MYRFL: variants seen among roughly 807,000 people sequenced by gnomAD.
MYRFL encodes the protein myelin regulatory factor like.
In MYRFL, 88 loss-of-function variants were observed where a neutral mutation model predicts 109.4. That is an observed-to-expected ratio of 0.80 (90% confidence interval 0.68 to 0.96). The LOEUF (loss-of-function observed/expected upper bound fraction) is 0.96. Ranked by LOEUF, MYRFL falls within the 40% of genes least tolerant of loss-of-function variation. The probability of loss-of-function intolerance (pLI) is 0.00; values close to 1 mark genes in which losing one functional copy is unlikely to be tolerated. For synonymous variants in MYRFL, 324 were observed against 320.9 expected, an observed-to-expected ratio of 1.01 and a Z score of -0.10; for missense variants, 957 against 954.9, an observed-to-expected ratio of 1.00 and a Z score of -0.03.
chr12:69,859,536 T>C (rs1024720638), intron 2 of MYRFL, among the ~76,000 whole-genome samples: 6 of 152,258 alleles, frequency 3.9e-5, no homozygotes, highest in African/African-American at 1.4e-4. Flanking sequence ...AGTTATGTGG[T>C]TAAGTGCAAA....
At chr12:69,946,991 C>T (rs921381997) in intron 19 of MYRFL, 2 of 152,492 alleles carry the variant, frequency 1.3e-5, no homozygotes, top group African/African-American at 4.8e-5. Context: ...ATTGCAATGT[C>T]CCTGATGTGG....
rs1451029901 is a variant in MYRFL at position 69,833,295 on chromosome 12, T to A, written c.46+7732T>A. ...AACCAGAAGAGTGTGGTTGTTAAAC[T>A]AGGAAAGAAAGTGTTTCAAGAAGAA... On this transcript the variant is annotated intron_variant, in intron 1 of 24. Transcript: ENST00000552032. Among the ~76,000 whole-genome samples, 8 of 152,114 alleles carry A rather than the reference T, an allele frequency of 5.3e-5. No individual in the cohort carries two copies. In the East Asian group the frequency reaches 1.5e-3, roughly 29 times the overall value.
chr12:69,929,249 C>A (rs1268835311), intron 15 of MYRFL, among the ~76,000 whole-genome samples: 2 of 152,140 alleles, frequency 1.3e-5, no homozygotes, highest in Non-Finnish European at 2.9e-5. Flanking sequence ...GCTTAAAGAG[C>A]ACCCGTTCAA....
intron 16 of MYRFL, among the ~76,000 whole-genome samples, chr12:69,932,862 C>CATGTGTGTGTGT (rs1555257458): frequency 8.7e-5 from 13 of 149,350 alleles, no homozygotes; most frequent in South Asian, 2.1e-4. Context: ...CTGTGCCTTT[C>CATGTGTGTGTGT]GTGTGTGTGT....
intron 1 of MYRFL, among the ~76,000 whole-genome samples, chr12:69,847,041 G>T (rs1328346065): frequency 6.6e-6 from 1 of 152,026 alleles, no homozygotes; most frequent in Non-Finnish European, 1.5e-5. Flanking sequence ...TTTTTGATGG[G>T]GTTGTTTGTT....
At chr12:69,841,479 G>A (rs1445587036) in intron 1 of MYRFL, among the ~76,000 whole-genome samples, 1 of 152,180 alleles carries the variant, frequency 6.6e-6, no homozygotes, top group African/African-American at 2.4e-5. Context: ...TGGTGTAAAT[G>A]CTCTCACTAT....
At chr12:69,950,335 C>A (rs1955944875) in intron 19 of MYRFL, among the ~76,000 whole-genome samples, 2 of 152,144 alleles carry the variant, frequency 1.3e-5, no homozygotes, top group South Asian at 2.1e-4. Context: ...CAATAGGGAC[C>A]AATATACATT....
intron 1 of MYRFL, among the ~76,000 whole-genome samples, chr12:69,840,808 T>C (rs1344066550): frequency 6.6e-6 from 1 of 152,228 alleles, no homozygotes; most frequent in Non-Finnish European, 1.5e-5. Context: ...GCCAAGTTTT[T>C]AATAATCCTT....
chr12:69,855,244 TTCATGTTTCTC>T lies in MYRFL; in HGVS notation c.47-35_47-25del, dbSNP rs764498965. 7.3e-5 allele frequency: 51 copies of T among 697,636 alleles called. No homozygotes were observed. The South Asian group carries it at 7.3e-4, about 10-fold the overall frequency. 43.2% of individuals were successfully genotyped at this position (697,636 alleles called of 1,614,324 possible). A position where few individuals can be genotyped will look rare whatever the true frequency, so the allele number is the denominator to read the frequency against. On this transcript the variant is annotated intron_variant, in intron 1 of 24. Transcript: ENST00000552032. ...TTTAGCCATTGGCCATACTGAAATC[TTCATGTTTCTC>T]AAGATTTTCAATTTGCCTTTGCAGC...
intron 13 of MYRFL, among the ~76,000 whole-genome samples, chr12:69,918,785 G>T (rs545993246): frequency 6.6e-6 from 1 of 152,012 alleles, no homozygotes; most frequent in Non-Finnish European, 1.5e-5. Context: ...GTGTTTCATT[G>T]GGTTAACTTG....
chr12:69,860,003 C>T (rs1001836838), intron 2 of MYRFL, among the ~76,000 whole-genome samples: 3 of 151,880 alleles, frequency 2.0e-5, no homozygotes, highest in African/African-American at 7.3e-5. Context: ...CATAGATAAA[C>T]GTGTGCCTAG....
intron 20 of MYRFL, 46 bp downstream of exon 20, chr12:69,952,221 A>C: frequency 6.7e-7 from 1 of 1,490,710 alleles, no homozygotes; most frequent in Non-Finnish European, 9.0e-7. Flanking sequence ...TTGCGGGGCC[A>C]GGCCAACTAA....
At chr12:69,955,897 A>G (rs1240847449) in intron 22 of MYRFL, among the ~76,000 whole-genome samples, 4 of 151,858 alleles carry the variant, frequency 2.6e-5, no homozygotes, top group Non-Finnish European at 4.4e-5. Context: ...ACCAGGGTCC[A>G]AGGATTCTGT....
At chr12:69,927,832 C>A in intron 15 of MYRFL, 84 bp downstream of exon 15, 2 of 1,265,284 alleles carry the variant, frequency 1.6e-6, no homozygotes, top group South Asian at 1.4e-5. Context: ...ATTTTTTTCT[C>A]ATTTCTTTGT....
intron 5 of MYRFL, among the ~76,000 whole-genome samples, chr12:69,882,396 G>A (rs1463250509): frequency 1.3e-5 from 2 of 152,182 alleles, no homozygotes; most frequent in African/African-American, 4.8e-5. Context: ...TTTAGCGAAA[G>A]TTTTCTAGTC....
intron 22 of MYRFL, 85 bp downstream of exon 22, chr12:69,955,522 G>A (rs1396365192): frequency 1.1e-5 from 6 of 531,330 alleles, no homozygotes; most frequent in East Asian, 3.1e-5. Context: ...TTGGTCAGTC[G>A]TTAAGAGGCA....
chr12:69,872,118 C>T (rs1179777458), intron 2 of MYRFL, among the ~76,000 whole-genome samples: 1 of 152,104 alleles, frequency 6.6e-6, no homozygotes, highest in East Asian at 1.9e-4. Context: ...TAAAAAATGA[C>T]TCTTTTATTA....
intron 1 of MYRFL, among the ~76,000 whole-genome samples, chr12:69,853,115 G>A (rs1416287918): frequency 6.6e-6 from 1 of 152,210 alleles, no homozygotes; most frequent in Non-Finnish European, 1.5e-5. Context: ...CCTCCCAGAC[G>A]GGGTGGCGGC....
chr12:69,954,917 A>G (rs1956060439), intron 21 of MYRFL, among the ~76,000 whole-genome samples: 1 of 152,198 alleles, frequency 6.6e-6, no homozygotes, highest in Non-Finnish European at 1.5e-5. Flanking sequence ...AGTACCTGAT[A>G]TTTCCTCCTA....
Sources: allele counts gnomAD v4.1 joint callset (sites outside exome capture counted in the v4.1 genomes callset), GRCh38; gene constraint gnomAD v4.1.1; transcripts MANE v1.5; gene names NCBI Gene and HGNC (gene_info 2026-07-23, HGNC 2026-07-21).